VIRMA: variants seen among roughly 807,000 people sequenced by gnomAD.
VIRMA encodes protein virilizer homolog.
VIRMA carries 65 observed loss-of-function variants against 182.4 expected under a neutral mutation model. That is an observed-to-expected ratio of 0.36 (90% CI 0.29 to 0.44). VIRMA has a LOEUF of 0.44. Ranked by LOEUF, VIRMA falls within the 20% of genes least tolerant of loss-of-function variation. The pLI, the probability that VIRMA is intolerant of heterozygous loss-of-function variation, is 1.00. For missense variants in VIRMA, 1,752 were observed against 2,158.1 expected (o/e 0.81, Z 3.73); for synonymous variants, 709 against 743.1 (o/e 0.95, Z 0.75).
intron 1 of VIRMA, among the ~76,000 whole-genome samples, chr8:94,547,876 A>T (rs1815828119): frequency 6.7e-6 from 1 of 150,060 alleles, no homozygotes; most frequent in African/African-American, 2.5e-5. Context: ...TACCAAAAAA[A>T]AAAAAAAAAC....
intron 16 of VIRMA, among the ~76,000 whole-genome samples, chr8:94,501,455 A>AAAAG (rs1813984157): frequency 2.6e-5 from 4 of 152,202 alleles, no homozygotes; most frequent in African/African-American, 9.6e-5. Flanking sequence ...AAAAAGAACC[A>AAAAG]TATACAACAC....
rs750942674 is a variant in VIRMA, at chr8:94,514,970, T to G, written c.2669-19A>C. ...CCAAGTTCTTAAAAAGAAAAATAAT[T>G]TATAATATTTAAAAATAGAAGGCTT... On this transcript the variant is annotated intron_variant, in intron 10 of 23. Transcript: ENST00000297591. The G allele has an allele frequency of 3.2e-6, 4 of 1,258,608 alleles. No individual in the cohort carries two copies. In the South Asian group the frequency reaches 6.1e-5, roughly 19 times the overall value. The allele number at this position is 1,258,608 out of a possible 1,614,324, so 78.0% of individuals were successfully genotyped here. A position where few individuals can be genotyped will look rare whatever the true frequency, so the allele number is the denominator to read the frequency against.
rs1290031886 is a variant in VIRMA, at chr8:94,511,397, T to C, written c.3178A>G (p.Ile1060Val). The change falls in exon 13 of 24, where the codon ATT (isoleucine) becomes GTT (valine). Residue 1060 changes from isoleucine (I) to valine (V), a missense_variant. Physicochemically the swap from Ile to Val is conservative, Grantham distance 29. Coordinates refer to ENST00000297591, the MANE Select transcript of VIRMA (RefSeq NM_015496.5). ...AAAATATCAATGATATCATTCTGAA[T>C]TTTCTGTTCATCACTATCCAAACGA... is the stretch of plus-strand genomic sequence containing the variant. ...SGRLDSDEQK[I>V]QNDIIDILLT... The C allele has an allele frequency of 6.2e-7, 1 of 1,614,056 alleles. No individual in the cohort carries two copies. The highest frequency in any genetic ancestry group is 1.1e-5 in the South Asian group (1 of 91,068).
chr8:94,491,635 C>T lies in VIRMA; in HGVS notation c.5083G>A (p.Gly1695Arg). 3.1e-6 allele frequency: 5 copies of T among 1,614,170 alleles called. No homozygotes were observed. The highest frequency in any genetic ancestry group is 4.2e-6 in the Non-Finnish European group (5 of 1,180,026). ...SSRGGFSGNR[G>R]GRGAFHSQNR... ...TGACTGTGGAAAGCACCCCGTCCTC[C>T]TCTATTGCCTGAAAACCCACCACGG... Residue 1695 changes from glycine to arginine, a missense_variant, in exon 22 of 24, where the codon GGA (glycine) becomes AGA (arginine). Transcript: ENST00000297591.
rs761460760 is a variant in VIRMA at position 94,529,302 on chromosome 8, A to G, written c.648T>C (p.Asp216=). The change falls in exon 7 of 24, where the codon GAT becomes GAC. Residue 216 remains aspartate, a synonymous_variant. Transcript: ENST00000297591. ...GATCAGGAGAAATGGGCTCAAAGTAATCTTCTCTATGAGGAGCATCCTCTT... is the reference window on the plus strand; with the variant it reads ...GATCAGGAGAAATGGGCTCAAAGTAGTCTTCTCTATGAGGAGCATCCTCTT... ...DKEEDAPHRE[D]YFEPISPDRN... 5 of 1,612,980 alleles carry G rather than the reference A, an allele frequency of 3.1e-6. No homozygotes were observed. In the Admixed American group the frequency reaches 6.7e-5, roughly 22 times the overall value.
At position 94,509,736 on chromosome 8, in the gene VIRMA, T is replaced by C. The variant is rs147637477; in HGVS notation, c.3831A>G (p.Gln1277=). The C allele has an allele frequency of 1.5e-4, 246 of 1,613,924 alleles. No individual in the cohort carries two copies. The highest frequency in any genetic ancestry group is 2.0e-4 in the Non-Finnish European group (232 of 1,179,952). Residue 1277 remains glutamine (Q), a synonymous_variant, in exon 15 of 24, where the codon CAA becomes CAG. Coordinates refer to ENST00000297591, the MANE Select transcript of VIRMA (RefSeq NM_015496.5). ...VRSPGDSVIR[Q]QCVEYVTSIL... Reference sequence around the variant, plus strand: ...TGGATGTGACATATTCAACACACTGTTGGCGAATAACACTGTCTCCAGGAG... The same window carrying C: ...TGGATGTGACATATTCAACACACTGCTGGCGAATAACACTGTCTCCAGGAG...
chr8:94,526,081 C>T (rs549490839), intron 8 of VIRMA, 142 bp downstream of exon 8: 9 of 656,882 alleles, frequency 1.4e-5, no homozygotes, highest in African/African-American at 1.8e-5. Context: ...CTCAGTTCCA[C>T]TACTAAATAA....
At chr8:94,538,125 C>A in intron 3 of VIRMA, 135 bp downstream of exon 3, 2 of 646,670 alleles carry the variant, frequency 3.1e-6, no homozygotes, top group Non-Finnish European at 2.8e-6. Flanking sequence ...TCTTTAATAC[C>A]ACCATGACAC....
Position 94,538,250 on chromosome 8 carries a change from A to G in VIRMA, c.266+10T>C, listed in dbSNP as rs1475551207. ...TGAGTTTCTGGTGAAATTACCTAGC[A>G]GGTACATACCTTCCCAACCTATCGA... On this transcript the variant is annotated intron_variant, in intron 3 of 23. Transcript: ENST00000297591. 11 of 1,574,568 alleles carry G rather than the reference A, an allele frequency of 7.0e-6. No homozygotes were observed. The highest frequency in any genetic ancestry group is 8.7e-6 in the Non-Finnish European group (10 of 1,145,062).
chr8:94,514,043 T>C (rs1393033818), intron 11 of VIRMA, among the ~76,000 whole-genome samples: 7 of 152,154 alleles, frequency 4.6e-5, no homozygotes, highest in African/African-American at 1.7e-4. Flanking sequence ...TTTAATAATA[T>C]ACACTGCAAT....
chr8:94,506,566 A>G lies in VIRMA; in HGVS notation c.4031T>C (p.Leu1344Ser). The part of the protein sequence containing the change: ...LANSESSYNC[L>S]LTCVRTMMFL... ...CATCATTGTTCTGACACATGTCAGTAAACAGTTGTAACTGCTCTCAGAGTT... is the reference window on the plus strand; with the variant it reads ...CATCATTGTTCTGACACATGTCAGTGAACAGTTGTAACTGCTCTCAGAGTT... The change falls in exon 16 of 24, where the codon TTA becomes TCA. Residue 1344 changes from leucine (L) to serine (S), a missense_variant. Physicochemically the swap from Leu to Ser is moderately radical, Grantham distance 145. Transcript: ENST00000297591. 1 of 1,613,728 alleles carries G rather than the reference A, an allele frequency of 6.2e-7. No individual in the cohort carries two copies. The highest frequency in any genetic ancestry group is 8.5e-7 in the Non-Finnish European group (1 of 1,179,712).
At chr8:94,550,782 G>C (rs538344018) in intron 1 of VIRMA, among the ~76,000 whole-genome samples, 9 of 151,918 alleles carry the variant, frequency 5.9e-5, no homozygotes, top group African/African-American at 1.7e-4. Context: ...GCAGTGGCGT[G>C]ATCTTGGCTC....
chr8:94,542,187 G>C (rs748135193), intron 2 of VIRMA, among the ~76,000 whole-genome samples: 40 of 152,162 alleles, frequency 2.6e-4, no homozygotes, highest in Non-Finnish European at 1.0e-4. Flanking sequence ...GTAACCTACA[G>C]AATATGGTAA....
intron 5 of VIRMA, among the ~76,000 whole-genome samples, chr8:94,532,891 TACG>T (rs1228971010): frequency 1.3e-5 from 2 of 151,966 alleles, no homozygotes; most frequent in Non-Finnish European, 2.9e-5. Context: ...AGTCCAGGAT[TACG>T]ACGTTACAGT....
chr8:94,543,977 C>T (rs530589700), intron 1 of VIRMA, 35 bp from the exon 2 acceptor site: 135 of 1,064,390 alleles, frequency 1.3e-4, no homozygotes, highest in South Asian at 3.2e-4. Context: ...GGGAGGGGTT[C>T]GGAACATTAT....
chr8:94,514,800 C>T, intron 11 of VIRMA, 69 bp downstream of exon 11: 1 of 764,146 alleles, frequency 1.3e-6, no homozygotes, highest in Non-Finnish European at 2.3e-6. Flanking sequence ...ACAAGTGATT[C>T]AATGCAGTAT....
intron 2 of VIRMA, among the ~76,000 whole-genome samples, chr8:94,540,236 C>G (rs77926365): frequency 0.04 from 6,065 of 151,946 alleles, 133 homozygotes; most frequent in Non-Finnish European, 0.05. Flanking sequence ...TATATTTATA[C>G]TATAGTCATT....
At chr8:94,540,643 G>C (rs1426573082) in intron 2 of VIRMA, among the ~76,000 whole-genome samples, 1 of 151,776 alleles carries the variant, frequency 6.6e-6, no homozygotes, top group Admixed American at 6.6e-5. Flanking sequence ...TGTATTTTTA[G>C]TAGAGGCGGG....
chr8:94,538,224 A>C (rs1240314668), intron 3 of VIRMA, 36 bp downstream of exon 3: 1 of 1,348,904 alleles, frequency 7.4e-7, no homozygotes, highest in East Asian at 2.3e-5. Flanking sequence ...TTACTAACTC[A>C]TGAGTTTCTG....
Sources: allele counts gnomAD v4.1 joint callset (sites outside exome capture counted in the v4.1 genomes callset), GRCh38; gene constraint gnomAD v4.1.1; transcripts MANE v1.5; gene names NCBI Gene and HGNC (gene_info 2026-07-23, HGNC 2026-07-21).